The following ENOX1 variants were observed in gnomAD, a reference collection of about 807,000 sequenced individuals.
The protein encoded by ENOX1 is candidate growth-related and time keeping constitutive hydroquinone (NADH) oxidase.
A neutral mutation model predicts 82.5 loss-of-function variants in ENOX1; 42 were observed. The observed-to-expected ratio is 0.51, with a 90% CI of 0.40 to 0.66. The LOEUF (loss-of-function observed/expected upper bound fraction) is 0.66, where lower values mean the gene tolerates loss of function less well. Among genes scored for constraint, ENOX1 ranks in the 30% least tolerant of loss-of-function variants. The pLI is 0.00. For missense variants in ENOX1, 608 were observed against 811.6 expected (o/e 0.75, Z 3.05); for synonymous variants, 271 against 282.2 (o/e 0.96, Z 0.40).
intron 2 of ENOX1, among the ~76,000 whole-genome samples, chr13:43,556,416 G>T (rs2079437869): frequency 6.6e-6 from 1 of 152,104 alleles, no homozygotes; most frequent in South Asian, 2.1e-4. Flanking sequence ...CACAGCTTTT[G>T]CTTTGCAGTC....
rs538913886 is a variant in ENOX1, at chr13:43,568,002, T to C, written c.-218-83850A>G. Among the ~76,000 whole-genome samples, 212 of 152,296 alleles carry C rather than the reference T, an allele frequency of 1.4e-3. 1 individual carries two copies. Among genetic ancestry groups the C allele is most frequent in the African/African-American group, 5.0e-3 (206 of 41,572 alleles). ...TTTATGACATTTATAGATGTTTACT[T>C]TGCATCTCTAAAAAACACAGAAATG... is the stretch of plus-strand genomic sequence containing the variant. On this transcript the variant is annotated intron_variant, in intron 2 of 16. Transcript: ENST00000690772.
intron 12 of ENOX1, among the ~76,000 whole-genome samples, chr13:43,282,683 C>T (rs1341417966): frequency 6.6e-6 from 1 of 151,998 alleles, no homozygotes; most frequent in Non-Finnish European, 1.5e-5. Context: ...CTTAGCTTCC[C>T]AAAGCGCTGG....
intron 1 of ENOX1, among the ~76,000 whole-genome samples, chr13:43,676,101 G>A (rs565189707): frequency 5.2e-4 from 79 of 152,262 alleles, no homozygotes; most frequent in Middle Eastern, 3.4e-3. Flanking sequence ...GATTCCTCAT[G>A]AATGGAAGAA....
chr13:43,634,789 G>A (rs1176990762), intron 2 of ENOX1, among the ~76,000 whole-genome samples: 1 of 152,174 alleles, frequency 6.6e-6, no homozygotes, highest in Non-Finnish European at 1.5e-5. Flanking sequence ...TCAGCCAGGT[G>A]ATATTATAAA....
At chr13:43,334,985 G>A (rs553514499) in intron 9 of ENOX1, among the ~76,000 whole-genome samples, 3 of 152,276 alleles carry the variant, frequency 2.0e-5, no homozygotes, top group South Asian at 2.1e-4. Context: ...TAGCTCCATC[G>A]CTAACTAGCT....
chr13:43,298,215 T>A (rs1416827456), intron 12 of ENOX1, 131 bp downstream of exon 12: 1 of 945,728 alleles, frequency 1.1e-6, no homozygotes, highest in Non-Finnish European at 1.5e-6. Context: ...CACTTTTCTG[T>A]CCTAGTAACA....
At chr13:43,285,848 CTT>C (rs2045670523) in intron 12 of ENOX1, among the ~76,000 whole-genome samples, 1 of 147,016 alleles carries the variant, frequency 6.8e-6, no homozygotes, top group African/African-American at 2.5e-5. Flanking sequence ...ATTCCCCCCT[CTT>C]CTTCTTTCTT....
At chr13:43,590,422 TGAA>T (rs1309814024) in intron 2 of ENOX1, among the ~76,000 whole-genome samples, 1 of 151,512 alleles carries the variant, frequency 6.6e-6, no homozygotes, top group African/African-American at 2.4e-5. Context: ...ATAAAGAAAA[TGAA>T]GAGTTAATCC....
chr13:43,648,001 T>A (rs542826309), intron 2 of ENOX1, among the ~76,000 whole-genome samples: 1 of 152,318 alleles, frequency 6.6e-6, no homozygotes, highest in Admixed American at 6.5e-5. Context: ...GGCAAGAGCA[T>A]GGATCTCCCC....
chr13:43,757,759 A>G (rs768474531), intron 1 of ENOX1, among the ~76,000 whole-genome samples: 3 of 152,228 alleles, frequency 2.0e-5, no homozygotes, highest in Non-Finnish European at 2.9e-5. Context: ...AAAGTTTCTT[A>G]TAACACTAAA....
rs1442200908 is a variant in ENOX1, at chr13:43,381,483, AC to A, written c.209-20032del. The stretch of plus-strand genomic sequence containing the variant: ...GGCTTCTATCTTATAAAAAAAAAAA[AC>A]CTTAAAAAAAAAAGAGCAAATTGAG... On this transcript the variant is annotated intron_variant, in intron 5 of 16. Coordinates refer to ENST00000690772, the MANE Select transcript of ENOX1 (RefSeq NM_001347969.2). Among the ~76,000 whole-genome samples, 36 of 150,066 alleles carry A rather than the reference AC, an allele frequency of 2.4e-4. 1 individual carries two copies. The highest frequency in any genetic ancestry group is 8.6e-4 in the African/African-American group (35 of 40,914).
intron 1 of ENOX1, among the ~76,000 whole-genome samples, chr13:43,773,824 ACTATGTTCCCAGCAT>A (rs1370097485): frequency 2.0e-5 from 3 of 152,286 alleles, no homozygotes; most frequent in African/African-American, 7.2e-5. Flanking sequence ...TTTGTTCACC[ACTATGTTCCCAGCAT>A]CTCATGTGAA....
At chr13:43,644,861 C>T (rs1479075858) in intron 2 of ENOX1, among the ~76,000 whole-genome samples, 1 of 152,170 alleles carries the variant, frequency 6.6e-6, no homozygotes, top group Non-Finnish European at 1.5e-5. Context: ...CCAACATTTA[C>T]AGTACCTTTC....
chr13:43,721,383 T>TG (rs2088566270), intron 1 of ENOX1, among the ~76,000 whole-genome samples: 1 of 137,988 alleles, frequency 7.2e-6, no homozygotes, highest in Non-Finnish European at 1.6e-5. Flanking sequence ...TATCTTTTTT[T>TG]TTTTTTTTTT....
chr13:43,239,989 A>G (rs531516139), intron 14 of ENOX1, among the ~76,000 whole-genome samples: 1 of 152,342 alleles, frequency 6.6e-6, no homozygotes, highest in African/African-American at 2.4e-5. Flanking sequence ...GGTAGTCTAC[A>G]AAGTAGATAT....
chr13:43,309,492 C>T (rs767017447), intron 11 of ENOX1, among the ~76,000 whole-genome samples: 3 of 152,030 alleles, frequency 2.0e-5, no homozygotes, highest in South Asian at 2.1e-4. Context: ...TTAGTAAGGC[C>T]CGACAGTGGA....
intron 3 of ENOX1, among the ~76,000 whole-genome samples, chr13:43,445,313 TG>T (rs1267826899): frequency 6.6e-6 from 1 of 151,838 alleles, no homozygotes; most frequent in Non-Finnish European, 1.5e-5. Context: ...TTAGTAGAGA[TG>T]GGGTTTCACC....
Position 43,296,792 on chromosome 13 carries a change from A to G in ENOX1, c.1446+1554T>C, listed in dbSNP as rs1405873498. Reference sequence around the variant, plus strand: ...TGCAATAACCTAAAAGACTTTATACACTTTTAAAGCAACTGGGATAATCTT... The same window carrying G: ...TGCAATAACCTAAAAGACTTTATACGCTTTTAAAGCAACTGGGATAATCTT... On this transcript the variant is annotated intron_variant, in intron 12 of 16. Transcript: ENST00000690772. Among the ~76,000 whole-genome samples, 5 of 152,104 alleles carry G rather than the reference A, an allele frequency of 3.3e-5. 1 individual carries two copies. Among genetic ancestry groups the G allele is most frequent in the Non-Finnish European group, 7.4e-5 (5 of 68,018 alleles).
intron 5 of ENOX1, among the ~76,000 whole-genome samples, chr13:43,410,765 A>T (rs149362985): frequency 1.3e-5 from 2 of 152,290 alleles, no homozygotes; most frequent in Non-Finnish European, 2.9e-5. Context: ...GGTATGTGGG[A>T]GTAGAACTTA....
Sources: allele counts gnomAD v4.1 joint callset (sites outside exome capture counted in the v4.1 genomes callset), GRCh38; gene constraint gnomAD v4.1.1; transcripts MANE v1.5; gene names NCBI Gene and HGNC (gene_info 2026-07-23, HGNC 2026-07-21).